Variants in OSBPL9 observed in about 807,000 individuals in gnomAD.
OSBPL9 encodes oxysterol-binding protein-related protein 9.
OSBPL9 carries 40 observed loss-of-function variants against 106.6 expected under a neutral mutation model. The ratio of observed to expected loss-of-function variants is 0.38; its 90% CI spans 0.29 to 0.49. The LOEUF (loss-of-function observed/expected upper bound fraction) is 0.49, where lower values mean the gene tolerates loss of function less well. Among genes scored for constraint, OSBPL9 ranks in the 20% least tolerant of loss-of-function variants. The pLI is 0.97. For missense variants in OSBPL9, 609 were observed against 887.2 expected (o/e 0.69, Z 3.98); for synonymous variants, 269 against 295.4 (o/e 0.91, Z 0.92).
intron 2 of OSBPL9, among the ~76,000 whole-genome samples, chr1:51,657,635 CCTT>C (rs1355773446): frequency 1.3e-5 from 2 of 152,180 alleles, no homozygotes; most frequent in Non-Finnish European, 2.9e-5. Flanking sequence ...AAGTGAAAAA[CCTT>C]CTTTGTGTTG....
At chr1:51,602,359 G>A (rs1195847486) in intron 2 of OSBPL9, among the ~76,000 whole-genome samples, 1 of 149,714 alleles carries the variant, frequency 6.7e-6, no homozygotes, top group Non-Finnish European at 1.5e-5. Flanking sequence ...ATGTCTCACT[G>A]TATGGTAATT....
chr1:51,759,877 T>G (rs1243064249), intron 9 of OSBPL9: 1 of 152,184 alleles, frequency 6.6e-6, no homozygotes, highest in East Asian at 1.9e-4. Flanking sequence ...AGTTAGAAGA[T>G]GCATCTCTTT....
intron 4 of OSBPL9, among the ~76,000 whole-genome samples, chr1:51,714,953 G>A (rs1439404656): frequency 6.6e-6 from 1 of 152,120 alleles, no homozygotes; most frequent in African/African-American, 2.4e-5. Flanking sequence ...ACAGATGTTG[G>A]GTGACATGCA....
the OSBPL9 span, among the ~76,000 whole-genome samples, chr1:51,554,026 C>T: frequency 6.6e-6 from 1 of 152,208 alleles, no homozygotes; most frequent in East Asian, 1.9e-4. Context: ...CACACTTCTG[C>T]ACTTCTGTAG....
the OSBPL9 span, among the ~76,000 whole-genome samples, chr1:51,541,802 G>A: frequency 6.6e-6 from 1 of 152,216 alleles, no homozygotes; most frequent in Non-Finnish European, 1.5e-5. Context: ...CTGGGAGGAA[G>A]GTCTCAGGTT....
At chr1:51,670,285 T>A (rs547556712) in intron 3 of OSBPL9, among the ~76,000 whole-genome samples, 1 of 152,234 alleles carries the variant, frequency 6.6e-6, no homozygotes, top group Non-Finnish European at 1.5e-5. Context: ...CAGAGTAATC[T>A]CTCTTTTATG....
chr1:51,578,737 A>T (rs926572035), intron 1 of OSBPL9, among the ~76,000 whole-genome samples: 1 of 152,224 alleles, frequency 6.6e-6, no homozygotes, highest in African/African-American at 2.4e-5. Flanking sequence ...TGAGAATCTG[A>T]CAAAGTCCTT....
chr1:51,677,642 A>G (rs936442180), intron 3 of OSBPL9, among the ~76,000 whole-genome samples: 17 of 151,634 alleles, frequency 1.1e-4, no homozygotes, highest in African/African-American at 4.1e-4. Context: ...ACCTCCGCCT[A>G]CCGGGTTCAA....
Position 51,729,804 on chromosome 1 carries a change from GGGT to G in OSBPL9, c.318+15728_319-15727del. 1.6e-6 allele frequency: 2 copies of G among 1,238,906 alleles called. No homozygotes were observed. The highest frequency in any genetic ancestry group is 4.2e-5 in the South Asian group (1 of 23,548). The allele number at this position is 1,238,906 out of a possible 1,614,324, so 76.7% of individuals were successfully genotyped here. On this transcript the variant is annotated intron_variant, in intron 4 of 23. Coordinates refer to ENST00000428468, the MANE Select transcript of OSBPL9 (RefSeq NM_024586.6). This position sits in a 1 kb window ranked among gnomAD's most constrained non-coding sequence, Gnocchi z 5.1. ...CTCCGCCGGGGAGGGGACGGGAAAG[GGGT>G]GGGGGGTGAAGGGGGTGAAGGGGGT...
chr1:51,564,052 C>CAAAAAAAAAAAAAAAAAAAAAAAAAA, the OSBPL9 span, among the ~76,000 whole-genome samples: 10 of 27,380 alleles, frequency 3.7e-4, no homozygotes, highest in African/African-American at 1.2e-3. Context: ...GAGATCATCT[C>CAAAAAAAAAAAAAAAAAAAAAAAAAA]AAAAAAAAAA....
upstream of OSBPL9, among the ~76,000 whole-genome samples, chr1:51,616,589 G>C (rs113119353): frequency 4.3e-4 from 65 of 152,186 alleles, no homozygotes; most frequent in African/African-American, 1.5e-3. Flanking sequence ...CTCCTTCCTT[G>C]CTTATGTTTT....
chr1:51,532,907 G>A, the OSBPL9 span, among the ~76,000 whole-genome samples: 7 of 152,084 alleles, frequency 4.6e-5, no homozygotes, highest in Non-Finnish European at 1.0e-4. Flanking sequence ...GAAGGAGTGA[G>A]CTGAGAAACA....
At chr1:51,764,758 A>AT (rs1220294950) in intron 11 of OSBPL9, among the ~76,000 whole-genome samples, 1 of 151,878 alleles carries the variant, frequency 6.6e-6, no homozygotes, top group Non-Finnish European at 1.5e-5. Context: ...TTATTTATCT[A>AT]TTTTTTTAAG....
At chr1:51,664,770 T>C (rs1648027483) in intron 2 of OSBPL9, among the ~76,000 whole-genome samples, 1 of 152,176 alleles carries the variant, frequency 6.6e-6, no homozygotes, top group African/African-American at 2.4e-5. Flanking sequence ...AGTATTTATC[T>C]TTGGAATGGA....
chr1:51,558,099 T>C, the OSBPL9 span, among the ~76,000 whole-genome samples: 4 of 152,194 alleles, frequency 2.6e-5, no homozygotes, highest in Admixed American at 1.3e-4. Flanking sequence ...GCTAACACGG[T>C]GAAACCCCCT....
intron 2 of OSBPL9, among the ~76,000 whole-genome samples, chr1:51,657,289 A>T (rs1001545716): frequency 6.6e-6 from 1 of 152,214 alleles, no homozygotes; most frequent in African/African-American, 2.4e-5. Flanking sequence ...ACCCACATGA[A>T]CATAGGGTAC....
chr1:51,692,128 G>A (rs1655096840), intron 3 of OSBPL9, among the ~76,000 whole-genome samples: 1 of 152,192 alleles, frequency 6.6e-6, no homozygotes, highest in East Asian at 1.9e-4. Context: ...GCAACATAGC[G>A]AGACCCTGTG....
intron 3 of OSBPL9, among the ~76,000 whole-genome samples, chr1:51,683,308 G>A (rs543380357): frequency 3.4e-4 from 52 of 152,130 alleles, no homozygotes; most frequent in African/African-American, 1.3e-3. Flanking sequence ...GGCCTCCAGA[G>A]TAGCTGCGAT....
rs147189181 is a variant in OSBPL9, at chr1:51,603,372, G to A, written c.-353+5179G>A. ...AAAGTAAATTTACTGAGGCCAAAGC[G>A]AATGAGAACTGAGAACAAGATTTTT... On this transcript the variant is annotated intron_variant, in intron 2 of 25. Coordinates refer to the OSBPL9 transcript ENST00000371714. Among the ~76,000 whole-genome samples the A allele has an allele frequency of 2.4e-3, 369 of 152,256 alleles. 1 individual carries two copies. The highest frequency in any genetic ancestry group is 8.5e-3 in the African/African-American group (353 of 41,538).
Sources: gnomAD v4.1 joint callset for allele counts (sites outside exome capture counted in the v4.1 genomes callset) on GRCh38, gnomAD v4.1.1 for gene constraint, Gnocchi (gnomAD v3.1) non-coding constraint, MANE v1.5 for transcripts, NCBI Gene and HGNC (gene_info 2026-07-23, HGNC 2026-07-21) for gene names.